The following CSMD1 variants were observed in gnomAD, a reference collection of about 807,000 sequenced individuals.
CSMD1 encodes the protein CUB and sushi domain-containing protein 1.
In CSMD1, 213 loss-of-function variants were observed where a neutral mutation model predicts 417.5. The observed-to-expected ratio is 0.51, with a 90% CI of 0.46 to 0.57. The LOEUF (loss-of-function observed/expected upper bound fraction) is 0.57, where lower values mean the gene tolerates loss of function less well. Among genes scored for constraint, CSMD1 ranks in the 20% least tolerant of loss-of-function variants. The pLI is 0.00. For missense variants in CSMD1, 6,923 were observed against 4,529.7 expected, an observed-to-expected ratio of 1.53 and a Z score of -15.17; for synonymous variants, 2,862 against 1,736.8, an observed-to-expected ratio of 1.65 and a Z score of -16.11.
chr8:4,314,314 C>A (rs1007580337), intron 3 of CSMD1, among the ~76,000 whole-genome samples: 1 of 152,166 alleles, frequency 6.6e-6, no homozygotes, highest in East Asian at 1.9e-4. Context: ...GAAGAAAATA[C>A]ATTCACTAGC....
chr8:3,299,883 A>T (rs1406407037), intron 25 of CSMD1, among the ~76,000 whole-genome samples: 2 of 152,234 alleles, frequency 1.3e-5, no homozygotes, highest in South Asian at 4.1e-4. Flanking sequence ...CCCAATTTCT[A>T]TGTACTGCTG....
chr8:3,774,120 T>A (rs985875526), intron 5 of CSMD1, among the ~76,000 whole-genome samples: 18 of 152,162 alleles, frequency 1.2e-4, no homozygotes, highest in African/African-American at 4.3e-4. Context: ...CCATTCCCTC[T>A]TAGGTTTGAG....
chr8:3,109,463 C>T (rs935238005), intron 43 of CSMD1, among the ~76,000 whole-genome samples: 5 of 152,144 alleles, frequency 3.3e-5, no homozygotes, highest in Non-Finnish European at 2.9e-5. Context: ...TGACTCTGGT[C>T]GTTGTCATCT....
At chr8:4,052,770 T>C (rs1366416324) in intron 3 of CSMD1, among the ~76,000 whole-genome samples, 2 of 152,122 alleles carry the variant, frequency 1.3e-5, no homozygotes, top group South Asian at 2.1e-4. Context: ...AAATGGGATA[T>C]CTGAGGACAC....
At chr8:3,385,098 A>G (rs1210908502) in intron 18 of CSMD1, among the ~76,000 whole-genome samples, 2 of 104,412 alleles carry the variant, frequency 1.9e-5, no homozygotes, top group Non-Finnish European at 3.7e-5. Context: ...TATAAAATAT[A>G]TATATAAATA....
chr8:4,402,535 T>C (rs952379438), intron 3 of CSMD1, among the ~76,000 whole-genome samples: 2 of 152,192 alleles, frequency 1.3e-5, no homozygotes, highest in Non-Finnish European at 2.9e-5. Flanking sequence ...TTATGCTCAA[T>C]TCTCACAGCC....
chr8:4,270,306 T>C (rs1395346677), intron 3 of CSMD1, among the ~76,000 whole-genome samples: 1 of 152,166 alleles, frequency 6.6e-6, no homozygotes, highest in African/African-American at 2.4e-5. Flanking sequence ...CCAGTCTTTA[T>C]ACTGGTTTTA....
chr8:4,730,715 T>G (rs1732228272), intron 1 of CSMD1, among the ~76,000 whole-genome samples: 1 of 151,332 alleles, frequency 6.6e-6, no homozygotes, highest in Non-Finnish European at 1.5e-5. Flanking sequence ...CACTCCAGCC[T>G]GGGCGACAGA....
chr8:4,703,282 G>A lies in CSMD1; in HGVS notation c.86-65724C>T, dbSNP rs970137913. On this transcript the variant is annotated intron_variant, in intron 1 of 69. Transcript: ENST00000635120. ...TGGAAGTGTGTGGAAAAATTAGTAG[G>A]GAGTGTAGATAATCAGAATCTTCTC... Among the ~76,000 whole-genome samples the A allele has an allele frequency of 2.6e-5, 4 of 152,124 alleles. No individual in the cohort carries two copies. The South Asian group carries it at 8.3e-4, about 31-fold the overall frequency.
At chr8:4,087,740 C>G (rs532971973) in intron 3 of CSMD1, among the ~76,000 whole-genome samples, 99 of 152,312 alleles carry the variant, frequency 6.5e-4, no homozygotes, top group Non-Finnish European at 5.4e-4. Context: ...TTTCTTCTGT[C>G]TCTCCCGTTC....
At position 3,493,701 on chromosome 8, in the gene CSMD1, A is replaced by T. The variant is rs918501963; in HGVS notation, c.1370T>A (p.Phe457Tyr). 6.2e-7 allele frequency: 1 copy of T among 1,611,602 alleles called. No individual in the cohort carries two copies. The highest frequency in any genetic ancestry group is 1.1e-5 in the South Asian group (1 of 90,114). ...GGTGTCATAGCCTCGCTCCAGCTCA[A>T]ACTCTTCAAAGGCAAGCTTGATGAC... ...DKVIKLAFEE[F>Y]ELERGYDTLT... Residue 457 changes from phenylalanine to tyrosine, a missense_variant, in exon 11 of 70, where the codon TTT (phenylalanine) becomes TAT (tyrosine). Transcript: ENST00000635120.
At chr8:4,064,093 T>C (rs1799119225) in intron 3 of CSMD1, among the ~76,000 whole-genome samples, 1 of 152,136 alleles carries the variant, frequency 6.6e-6, no homozygotes, top group Admixed American at 6.6e-5. Context: ...GAAATGCGAA[T>C]CTACTCTCCT....
At position 3,892,451 on chromosome 8, in the gene CSMD1, C is replaced by T. The variant is rs1585150847; in HGVS notation, c.818+105452G>A. 9.9e-5 allele frequency among the ~76,000 whole-genome samples: 15 copies of T among 152,190 alleles called. No homozygotes were observed. In the South Asian group the frequency reaches 3.1e-3, roughly 32 times the overall value. ...TGTGAAGTGACAGGCTTCATAGCCC[C>T]TCATTCATTCAGGCCCCAACTAAGT... On this transcript the variant is annotated intron_variant, in intron 5 of 69. Transcript: ENST00000635120.
At chr8:4,677,629 T>G (rs1195248648) in intron 1 of CSMD1, among the ~76,000 whole-genome samples, 1 of 152,216 alleles carries the variant, frequency 6.6e-6, no homozygotes, top group African/African-American at 2.4e-5. Context: ...ATTTTTATAT[T>G]TCTTTATGTA....
intron 1 of CSMD1, among the ~76,000 whole-genome samples, chr8:4,734,967 G>C (rs1246954706): frequency 6.6e-6 from 1 of 152,192 alleles, no homozygotes; most frequent in Non-Finnish European, 1.5e-5. Flanking sequence ...TTCTGGGAAA[G>C]TTTCCATATG....
chr8:3,462,559 G>C (rs1372230923), intron 12 of CSMD1, among the ~76,000 whole-genome samples: 1 of 152,146 alleles, frequency 6.6e-6, no homozygotes, highest in Non-Finnish European at 1.5e-5. Flanking sequence ...ATCTGTCACT[G>C]TCTCCCATCA....
At chr8:4,072,045 G>A (rs1450674467) in intron 3 of CSMD1, among the ~76,000 whole-genome samples, 1 of 152,148 alleles carries the variant, frequency 6.6e-6, no homozygotes, top group African/African-American at 2.4e-5. Flanking sequence ...TGGATGTTAG[G>A]ATAGAGTTTT....
chr8:4,443,289 T>C (rs950722111), intron 2 of CSMD1, among the ~76,000 whole-genome samples: 15 of 152,340 alleles, frequency 9.8e-5, no homozygotes, highest in African/African-American at 3.4e-4. Context: ...CTAAGTTTTG[T>C]ATTCGCTAGA....
At chr8:3,168,472 C>T (rs1240877209) in intron 37 of CSMD1, among the ~76,000 whole-genome samples, 1 of 151,998 alleles carries the variant, frequency 6.6e-6, no homozygotes, top group Non-Finnish European at 1.5e-5. Context: ...TGTGCTGGAA[C>T]ATAGGGGAAG....
Sources: gnomAD v4.1 joint callset for allele counts (sites outside exome capture counted in the v4.1 genomes callset) on GRCh38, gnomAD v4.1.1 for gene constraint, MANE v1.5 for transcripts, NCBI Gene and HGNC (gene_info 2026-07-23, HGNC 2026-07-21) for gene names.